The following SRBD1 variants were observed in gnomAD, a reference collection of about 807,000 sequenced individuals.
SRBD1 encodes S1 RNA-binding domain-containing protein 1.
A neutral mutation model predicts 115.3 loss-of-function variants in SRBD1; 88 were observed. The observed-to-expected ratio is 0.76, with a 90% CI of 0.64 to 0.91. The LOEUF (loss-of-function observed/expected upper bound fraction) is 0.91. Ranked by LOEUF, SRBD1 falls within the 40% of genes least tolerant of loss-of-function variation. The pLI is 0.00. For missense variants in SRBD1, 1,385 were observed against 1,177.4 expected, an observed-to-expected ratio of 1.18 and a Z score of -2.58; for synonymous variants, 509 against 407.7, an observed-to-expected ratio of 1.25 and a Z score of -2.99.
rs138458733 is a variant in SRBD1 at position 45,487,711 on chromosome 2, G to A, written c.1966+529C>T. ...GCTCTGTCACCCAGGCTGGAGTGCA[G>A]TGGCACAATCTTGGCTCACTAGAAC... On this transcript the variant is annotated intron_variant, in intron 15 of 20. Transcript: ENST00000263736. Among the ~76,000 whole-genome samples the A allele has an allele frequency of 1.4e-3, 211 of 152,220 alleles. 1 individual carries two copies. Among genetic ancestry groups the A allele is most frequent in the African/African-American group, 4.9e-3 (204 of 41,538 alleles).
intron 14 of SRBD1, among the ~76,000 whole-genome samples, chr2:45,536,918 T>A (rs998498278): frequency 2.6e-5 from 4 of 152,236 alleles, no homozygotes; most frequent in African/African-American, 9.6e-5. Context: ...CAAACTTTTA[T>A]GATCAACCAT....
intron 16 of SRBD1, among the ~76,000 whole-genome samples, chr2:45,453,641 T>C (rs957791070): frequency 1.0e-4 from 15 of 150,006 alleles, no homozygotes; most frequent in African/African-American, 3.6e-4. Flanking sequence ...TTCTAACTAG[T>C]GTTCCTTTCT....
At chr2:45,590,312 G>A (rs1673679279) in intron 4 of SRBD1, among the ~76,000 whole-genome samples, 1 of 152,172 alleles carries the variant, frequency 6.6e-6, no homozygotes, top group African/African-American at 2.4e-5. Context: ...GCTTTGAAAC[G>A]AAGACAATAA....
intron 10 of SRBD1, among the ~76,000 whole-genome samples, chr2:45,555,285 T>C (rs1490649342): frequency 1.3e-5 from 2 of 152,134 alleles, no homozygotes; most frequent in Non-Finnish European, 2.9e-5. Flanking sequence ...CTTAGAAGGC[T>C]GAAGCAGGAG....
intron 16 of SRBD1, chr2:45,447,760 T>C (rs1166591184): frequency 1.1e-4 from 16 of 152,222 alleles, no homozygotes; most frequent in Admixed American, 9.2e-4. Flanking sequence ...GTAGGGGTTA[T>C]ATTCCTGAAT....
intron 19 of SRBD1, among the ~76,000 whole-genome samples, chr2:45,394,964 G>A (rs946654213): frequency 6.6e-6 from 1 of 152,170 alleles, no homozygotes; most frequent in African/African-American, 2.4e-5. Flanking sequence ...AAAGGCAGCC[G>A]GTATCTCTTA....
At chr2:45,502,699 G>A (rs983442019) in intron 14 of SRBD1, among the ~76,000 whole-genome samples, 1 of 151,712 alleles carries the variant, frequency 6.6e-6, no homozygotes, top group African/African-American at 2.4e-5. Flanking sequence ...GGGGAAGGGG[G>A]AGGGATAGCA....
rs1293614844 is a variant in SRBD1, at chr2:45,428,325, C to T, written c.2050-8431G>A. ...CAGCACTTTGGGAGGCCGAGGCGGG[C>T]GGATCACGAGGTCAGGAGATCCAGA... On this transcript the variant is annotated intron_variant, in intron 16 of 20. Coordinates refer to ENST00000263736, the MANE Select transcript of SRBD1 (RefSeq NM_018079.5). 3.3e-5 allele frequency among the ~76,000 whole-genome samples: 5 copies of T among 152,102 alleles called. No individual in the cohort carries two copies. The East Asian group carries it at 5.8e-4, about 18-fold the overall frequency.
intron 19 of SRBD1, among the ~76,000 whole-genome samples, chr2:45,411,196 G>A (rs1468880908): frequency 6.6e-6 from 1 of 152,104 alleles, no homozygotes; most frequent in East Asian, 1.9e-4. Context: ...ACGTCTGCTG[G>A]ATAATCTGCT....
At chr2:45,543,373 T>G (rs373735122) in intron 14 of SRBD1, among the ~76,000 whole-genome samples, 20 of 152,332 alleles carry the variant, frequency 1.3e-4, no homozygotes, top group African/African-American at 4.8e-4. Flanking sequence ...TCCTGGGGTT[T>G]ATGAATTAGG....
At chr2:45,440,339 T>G (rs11886287) in intron 16 of SRBD1, among the ~76,000 whole-genome samples, 14,826 of 152,208 alleles carry the variant, frequency 0.097, 1,078 homozygotes, top group African/African-American at 0.2. Context: ...TGTCCCCTAG[T>G]GGATACAGGT....
chr2:45,459,627 T>A (rs972072744), intron 16 of SRBD1, among the ~76,000 whole-genome samples: 1 of 152,212 alleles, frequency 6.6e-6, no homozygotes, highest in Admixed American at 6.5e-5. Context: ...TGAAATTTTT[T>A]TGATTTCATG....
At chr2:45,440,336 T>C (rs956716615) in intron 16 of SRBD1, among the ~76,000 whole-genome samples, 5 of 152,204 alleles carry the variant, frequency 3.3e-5, no homozygotes, top group Non-Finnish European at 7.3e-5. Context: ...TTATGTCCCC[T>C]AGTGGATACA....
At chr2:45,421,985 T>A (rs1320041152) in intron 16 of SRBD1, among the ~76,000 whole-genome samples, 2 of 152,196 alleles carry the variant, frequency 1.3e-5, no homozygotes, top group African/African-American at 2.4e-5. Context: ...AAGAAGCTAG[T>A]CTTTTGTCTA....
chr2:45,557,593 G>A (rs751904526), intron 10 of SRBD1, among the ~76,000 whole-genome samples: 4 of 152,070 alleles, frequency 2.6e-5, no homozygotes, highest in Admixed American at 1.3e-4. Context: ...AGCCCTGAAA[G>A]AGAACAGCTA....
chr2:45,414,605 T>TATAGTGTGTGTACACAC (rs1491105034), intron 18 of SRBD1, among the ~76,000 whole-genome samples: 1 of 142,384 alleles, frequency 7.0e-6, no homozygotes, highest in Non-Finnish European at 1.5e-5. Context: ...ACATAGTGTG[T>TATAGTGTGTGTACACAC]ATAGTGTGTG....
chr2:45,552,508 C>A (rs1672334198), intron 11 of SRBD1, among the ~76,000 whole-genome samples: 1 of 151,644 alleles, frequency 6.6e-6, no homozygotes, highest in African/African-American at 2.4e-5. Flanking sequence ...AAAATATATG[C>A]AAAAAATGTC....
intron 4 of SRBD1, 108 bp downstream of exon 4, chr2:45,599,341 A>C (rs1663755944): frequency 6.9e-7 from 1 of 1,447,904 alleles, no homozygotes; most frequent in African/African-American, 1.4e-5. Context: ...GCAAAACTGA[A>C]GAGAGAATTG....
chr2:45,521,319 A>AC (rs58300359), intron 14 of SRBD1, among the ~76,000 whole-genome samples: 10 of 150,422 alleles, frequency 6.6e-5, no homozygotes, highest in South Asian at 2.1e-4. Context: ...ACACACACAC[A>AC]AACCAAACTC....
Sources: allele counts gnomAD v4.1 joint callset (sites outside exome capture counted in the v4.1 genomes callset), GRCh38; gene constraint gnomAD v4.1.1; transcripts MANE v1.5; gene names NCBI Gene and HGNC (gene_info 2026-07-23, HGNC 2026-07-21).